The following TIMP2 variants were observed in gnomAD, a reference collection of about 807,000 sequenced individuals.
The protein encoded by TIMP2 is TIMP metallopeptidase inhibitor 2, also known as metalloproteinase inhibitor 2.
In TIMP2, 5 loss-of-function variants were observed where a neutral mutation model predicts 24.3. The ratio of observed to expected loss-of-function variants is 0.21; its 90% CI spans 0.11 to 0.43. The LOEUF (loss-of-function observed/expected upper bound fraction) is 0.43. TIMP2 is among the 20% of genes least tolerant of loss of function. The probability of loss-of-function intolerance (pLI) is 1.00; values close to 1 mark genes in which losing one functional copy is unlikely to be tolerated. For synonymous variants in TIMP2, 130 were observed against 123.2 expected (o/e 1.06, Z -0.37); for missense variants, 221 against 297.5 (o/e 0.74, Z 1.89).
chr17:78,900,667 C>T (rs1568004152), intron 1 of TIMP2, among the ~76,000 whole-genome samples: 1 of 152,198 alleles, frequency 6.6e-6, no homozygotes, highest in Non-Finnish European at 1.5e-5. Context: ...CTGTGGGCAT[C>T]CCCGGATACA....
intron 3 of TIMP2, among the ~76,000 whole-genome samples, chr17:78,867,238 G>A (rs1352609106): frequency 6.6e-6 from 1 of 152,194 alleles, no homozygotes; most frequent in Non-Finnish European, 1.5e-5. Flanking sequence ...CTGGGCAACA[G>A]AGGGAGACTC....
At chr17:78,865,491 G>A (rs987232672) in intron 3 of TIMP2, among the ~76,000 whole-genome samples, 2 of 152,062 alleles carry the variant, frequency 1.3e-5, no homozygotes, top group Non-Finnish European at 2.9e-5. Context: ...AGGCGTGGTG[G>A]CACATGCCTG....
chr17:78,924,817 C>A lies in TIMP2; in HGVS notation c.130+142G>T. On this transcript the variant is annotated intron_variant, in intron 1 of 4. Transcript: ENST00000262768. This position sits in a 1 kb window ranked among gnomAD's most constrained non-coding sequence, Gnocchi z 5.3. ...AAAGTCGGCTCTGGGCGTCCACTTG[C>A]AGGATTCGAGAAGGCGCCGAGGGAC... The A allele has an allele frequency of 2.6e-6, 1 of 377,498 alleles. No individual in the cohort carries two copies. Among genetic ancestry groups the A allele is most frequent in the Non-Finnish European group, 4.2e-6 (1 of 235,420 alleles). The allele number at this position is 377,498 out of a possible 1,614,324, so 23.4% of individuals were successfully genotyped here. A position where few individuals can be genotyped will look rare whatever the true frequency, so the allele number is the denominator to read the frequency against.
intron 2 of TIMP2, among the ~76,000 whole-genome samples, chr17:78,872,564 G>A (rs1449289202): frequency 2.6e-5 from 4 of 152,160 alleles, no homozygotes; most frequent in Non-Finnish European, 5.9e-5. Flanking sequence ...AATGGCTTGA[G>A]AGTGACACTC....
At chr17:78,902,939 G>A (rs1362081307) in intron 1 of TIMP2, among the ~76,000 whole-genome samples, 1 of 152,220 alleles carries the variant, frequency 6.6e-6, no homozygotes, top group Non-Finnish European at 1.5e-5. Context: ...CACTGCCTGT[G>A]GGGAGCCCCG....
chr17:78,923,621 G>T (rs2070326488), intron 1 of TIMP2, among the ~76,000 whole-genome samples: 1 of 152,246 alleles, frequency 6.6e-6, no homozygotes, highest in Non-Finnish European at 1.5e-5. Context: ...CACAAATCTT[G>T]CTGAGCACCA....
At chr17:78,918,065 A>ACACGCGC (rs1555652947) in intron 1 of TIMP2, among the ~76,000 whole-genome samples, 36 of 144,930 alleles carry the variant, frequency 2.5e-4, no homozygotes, top group Admixed American at 1.0e-3. Context: ...TGCACACACA[A>ACACGCGC]ACACACACAC....
At chr17:78,871,123 C>A in intron 2 of TIMP2, 117 bp from the exon 3 acceptor site, 1 of 739,272 alleles carries the variant, frequency 1.4e-6, no homozygotes, top group Non-Finnish European at 2.3e-6. Flanking sequence ...AGCCAGCACC[C>A]AAGAGGACCA....
At chr17:78,873,591 A>G (rs551922821) in intron 2 of TIMP2, among the ~76,000 whole-genome samples, 3 of 152,292 alleles carry the variant, frequency 2.0e-5, no homozygotes, top group South Asian at 2.1e-4. Context: ...CAACGCCCGG[A>G]CAGGTTTCTG....
In TIMP2 at chr17:78,891,249, A is replaced by C; in HGVS notation, c.131-17330T>G. 2.6e-6 allele frequency: 4 copies of C among 1,550,550 alleles called. No homozygotes were observed. ...ATGAACGTTTTCAAGTCGGTCTTGG[A>C]CGCTGCCTGCTGCGCCTCCTCCTCT... On this transcript the variant is annotated intron_variant, in intron 1 of 4. Transcript: ENST00000262768. The surrounding 1 kb of genome is among the most constrained non-coding windows in gnomAD (Gnocchi z 4.5).
chr17:78,921,539 AT>A, intron 1 of TIMP2, among the ~76,000 whole-genome samples: 2 of 152,338 alleles, frequency 1.3e-5, no homozygotes, highest in Middle Eastern at 3.4e-3. Context: ...GGCTCCAGGC[AT>A]GGGACTGCCT....
At chr17:78,873,762 C>T in intron 2 of TIMP2, 57 bp downstream of exon 2, 1 of 1,492,472 alleles carries the variant, frequency 6.7e-7, no homozygotes, top group South Asian at 1.1e-5. Context: ...TCTGCCAACC[C>T]CAACACCCCA....
At chr17:78,874,104 A>C in intron 1 of TIMP2, 185 bp from the exon 2 acceptor site, 2 of 542,112 alleles carry the variant, frequency 3.7e-6, no homozygotes, top group Non-Finnish European at 6.6e-6. Context: ...CCAGGCTGAG[A>C]GATGATGCCC....
intron 2 of TIMP2, among the ~76,000 whole-genome samples, chr17:78,872,224 C>T (rs2069692250): frequency 6.6e-6 from 1 of 151,658 alleles, no homozygotes; most frequent in Non-Finnish European, 1.5e-5. Context: ...CTCCTGAGCT[C>T]AAGCAATCCT....
chr17:78,893,168 T>C (rs1047128610), intron 1 of TIMP2, among the ~76,000 whole-genome samples: 13 of 141,052 alleles, frequency 9.2e-5, no homozygotes, highest in African/African-American at 3.2e-4. Context: ...GGGGTGTGTG[T>C]GCATACATGT....
intron 1 of TIMP2, chr17:78,892,299 G>T (rs1248622416): frequency 1.3e-6 from 2 of 1,550,646 alleles, no homozygotes; most frequent in East Asian, 2.4e-5. Flanking sequence ...TCGTTATCAG[G>T]ACAGAGGCTC....
chr17:78,880,195 C>T (rs1352422605), intron 1 of TIMP2, among the ~76,000 whole-genome samples: 6 of 152,206 alleles, frequency 3.9e-5, no homozygotes, highest in Admixed American at 6.5e-5. Context: ...TTCTGTGGCA[C>T]GGTCCTCCCT....
chr17:78,886,431 C>T (rs983913213), intron 1 of TIMP2, among the ~76,000 whole-genome samples: 1 of 152,174 alleles, frequency 6.6e-6, no homozygotes, highest in African/African-American at 2.4e-5. Context: ...CATGCCATAA[C>T]ACCCTCTCTG....
chr17:78,901,908 G>A, intron 1 of TIMP2: 4 of 629,028 alleles, frequency 6.4e-6, no homozygotes, highest in Middle Eastern at 2.6e-4. Flanking sequence ...TGACTTTGTA[G>A]GTAGTGAGAC....
Sources: allele counts gnomAD v4.1 joint callset (sites outside exome capture counted in the v4.1 genomes callset), GRCh38; gene constraint gnomAD v4.1.1; non-coding constraint Gnocchi (gnomAD v3.1); transcripts MANE v1.5; gene names NCBI Gene and HGNC (gene_info 2026-07-23, HGNC 2026-07-21).